ATP8B1: variants seen among roughly 807,000 people sequenced by gnomAD.
ATP8B1 encodes phospholipid-transporting ATPase IC.
In ATP8B1, 80 loss-of-function variants were observed where a neutral mutation model predicts 149.9. That is an observed-to-expected ratio of 0.53 (90% confidence interval 0.45 to 0.64). ATP8B1 has a LOEUF of 0.64. Among genes scored for constraint, ATP8B1 ranks in the 30% least tolerant of loss-of-function variants. The pLI is 0.00. For synonymous variants in ATP8B1, 536 were observed against 562.8 expected, an observed-to-expected ratio of 0.95 and a Z score of 0.67; for missense variants, 1,247 against 1,552.6, an observed-to-expected ratio of 0.80 and a Z score of 3.31.
At chr18:57,682,044 G>T (rs1194634746) in intron 15 of ATP8B1, among the ~76,000 whole-genome samples, 2 of 147,086 alleles carry the variant, frequency 1.4e-5, no homozygotes, top group Admixed American at 6.9e-5. Context: ...TTGCACTGTT[G>T]CCCAGGCTGT....
chr18:57,766,475 G>A (rs186221954), intron 1 of ATP8B1, among the ~76,000 whole-genome samples: 2 of 152,174 alleles, frequency 1.3e-5, no homozygotes, highest in African/African-American at 4.8e-5. Flanking sequence ...ATCTAGCCAG[G>A]CAGTGTGCTA....
intron 1 of ATP8B1, among the ~76,000 whole-genome samples, chr18:57,791,351 C>CTTTTTTTTTTTTTTTTTTTTTTTTTTTT (rs570282416): frequency 1.2e-5 from 1 of 82,398 alleles, no homozygotes; most frequent in East Asian, 2.2e-4. Flanking sequence ...CTTTTCTTTT[C>CTTTTTTTTTTTTTTTTTTTTTTTTTTTT]TTTTTTTTTT....
chr18:57,715,925 A>G (rs554743477), intron 2 of ATP8B1, among the ~76,000 whole-genome samples: 2 of 152,340 alleles, frequency 1.3e-5, no homozygotes, highest in South Asian at 4.1e-4. Context: ...AGTTAAGTAT[A>G]CAGAAAAACC....
chr18:57,725,282 A>G (rs1186013397), intron 2 of ATP8B1, among the ~76,000 whole-genome samples: 2 of 150,978 alleles, frequency 1.3e-5, no homozygotes, highest in African/African-American at 4.9e-5. Flanking sequence ...AATCCCATTT[A>G]TAATAGCTAT....
intron 22 of ATP8B1, among the ~76,000 whole-genome samples, chr18:57,659,180 G>A (rs886342010): frequency 2.0e-5 from 3 of 152,284 alleles, no homozygotes; most frequent in Admixed American, 2.0e-4. Context: ...GGAGGCTGAG[G>A]TGGGAGGATT....
rs2080047031 is a variant in ATP8B1 at position 57,753,823 on chromosome 18, G to A, written c.-25-21991C>T. 2.6e-5 allele frequency among the ~76,000 whole-genome samples: 4 copies of A among 151,472 alleles called. No individual in the cohort carries two copies. The South Asian group carries it at 8.4e-4, about 32-fold the overall frequency. Reference sequence around the variant, plus strand: ...CACTTCTGTAGTCCCAGCTACTTGGGAGGCTGAGGCAGGAGAATTGCTTGA... The same window carrying A: ...CACTTCTGTAGTCCCAGCTACTTGGAAGGCTGAGGCAGGAGAATTGCTTGA... On this transcript the variant is annotated intron_variant, in intron 1 of 27. Coordinates refer to ENST00000648908, the MANE Select transcript of ATP8B1 (RefSeq NM_001374385.1).
rs2080585652 is a variant in ATP8B1, at chr18:57,802,318, C to T, written c.-26+680G>A. 6.6e-6 allele frequency among the ~76,000 whole-genome samples: 1 copy of T among 152,182 alleles called. No homozygotes were observed. On this transcript the variant is annotated intron_variant, in intron 1 of 27. Transcript: ENST00000648908. This position sits in a 1 kb window ranked among gnomAD's most constrained non-coding sequence, Gnocchi z 4.9. Reference sequence around the variant, plus strand: ...GCTGAGGGAAGGAGATGCCTGCAGCCATCTCAGCGGGGCTGGCGGACGCGA... The same window carrying T: ...GCTGAGGGAAGGAGATGCCTGCAGCTATCTCAGCGGGGCTGGCGGACGCGA...
At chr18:57,731,412 A>C in intron 2 of ATP8B1, 2 of 491,708 alleles carry the variant, frequency 4.1e-6, no homozygotes. Flanking sequence ...TTTTCTCTGC[A>C]GAACTTGTCA....
At chr18:57,657,531 G>A (rs996496112) in intron 22 of ATP8B1, among the ~76,000 whole-genome samples, 3 of 152,100 alleles carry the variant, frequency 2.0e-5, no homozygotes, top group Admixed American at 6.6e-5. Context: ...CACAAGGTCT[G>A]GCAAATTCAA....
chr18:57,697,599 C>T lies in ATP8B1; in HGVS notation c.698+19G>A, dbSNP rs760562267. ...CTTCAAAGGCCAGCTTTAAATCAGG[C>T]CCATCGAGACACACTTACCCATCCA... On this transcript the variant is annotated intron_variant, in intron 8 of 27. Coordinates refer to ENST00000648908, the MANE Select transcript of ATP8B1 (RefSeq NM_001374385.1). 5.6e-6 allele frequency: 9 copies of T among 1,612,262 alleles called. No individual in the cohort carries two copies. In the African/African-American group the frequency reaches 1.1e-4, roughly 19 times the overall value.
chr18:57,778,162 C>T (rs563162110), intron 1 of ATP8B1, among the ~76,000 whole-genome samples: 11 of 151,766 alleles, frequency 7.2e-5, no homozygotes, highest in Non-Finnish European at 1.5e-4. Flanking sequence ...TGCTGCCTAA[C>T]AAAATACCCC....
intron 1 of ATP8B1, among the ~76,000 whole-genome samples, chr18:57,799,376 T>C (rs2080550182): frequency 6.6e-6 from 1 of 152,188 alleles, no homozygotes; most frequent in Non-Finnish European, 1.5e-5. Context: ...AAAGTACCAA[T>C]ATGGCCTTAA....
rs2123102232 is a variant in ATP8B1, at chr18:57,725,999, G to A, written c.181+5628C>T. 1.3e-5 allele frequency among the ~76,000 whole-genome samples: 2 copies of A among 152,316 alleles called. 1 individual carries two copies. The highest frequency in any genetic ancestry group is 4.1e-4 in the South Asian group (2 of 4,832). On this transcript the variant is annotated intron_variant, in intron 2 of 27. Transcript: ENST00000648908. ...AATTCCAGCACTTTGGGAAGCCAAG[G>A]TGGGTGGATCACAAGGTCAAGAGAT... is the stretch of plus-strand genomic sequence containing the variant.
At chr18:57,651,883 C>T in intron 26 of ATP8B1, 151 bp downstream of exon 26, 1 of 967,670 alleles carries the variant, frequency 1.0e-6, no homozygotes, top group Non-Finnish European at 1.6e-6. Flanking sequence ...ATCCACTTGC[C>T]TCGGCCTCCC....
In ATP8B1 at chr18:57,672,933, A is replaced by ATAT. The variant is rs36010935; in HGVS notation, c.1820-1354_1820-1353insATA. On this transcript the variant is annotated intron_variant, in intron 16 of 27. Transcript: ENST00000648908. ...ATATATATATATATATATATATATA[A>ATAT]CATGTATATACACATATATACATAC... is the stretch of plus-strand genomic sequence containing the variant. Among the ~76,000 whole-genome samples the ATAT allele has an allele frequency of 1.2e-3, 52 of 43,518 alleles. 3 individuals carry two copies. The highest frequency in any genetic ancestry group is 2.1e-3 in the Non-Finnish European group (43 of 20,278). 28.5% of individuals were successfully genotyped at this position (43,518 alleles called of 152,430 possible).
intron 13 of ATP8B1, 128 bp from the exon 14 acceptor site, chr18:57,685,243 TATC>T: frequency 2.8e-6 from 2 of 719,524 alleles, no homozygotes; most frequent in South Asian, 1.6e-5. Context: ...AAATATTTAT[TATC>T]TGGCACTTTA....
chr18:57,704,719 G>A, intron 3 of ATP8B1, 51 bp from the exon 4 acceptor site: 2 of 1,153,136 alleles, frequency 1.7e-6, no homozygotes, highest in Non-Finnish European at 2.6e-6. Context: ...TTATCACAAT[G>A]TATACACATC....
At chr18:57,694,187 G>C (rs1266393807) in intron 11 of ATP8B1, among the ~76,000 whole-genome samples, 2 of 152,066 alleles carry the variant, frequency 1.3e-5, no homozygotes, top group African/African-American at 4.8e-5. Flanking sequence ...TATATGTTGG[G>C]GGTGCTGGGG....
In ATP8B1 at chr18:57,650,384, G is replaced by A; in HGVS notation, c.3514C>T (p.Pro1172Ser). ...CTTTATACCTTATCACTTTCTGATG[G>A]CCAGATGGTCATTGACAGGAATCGA... ...AIRFLSMTIW[P>S]SESDKIQKHR... Residue 1172 changes from proline (P) to serine (S), a missense_variant, in exon 27 of 28, where the codon CCA (proline) becomes TCA (serine). This residue lies in a region of ATP8B1 where 164 missense variants were observed against 160.3 expected (regional missense o/e 1.02). Transcript: ENST00000648908. 1 of 1,613,632 alleles carries A rather than the reference G, an allele frequency of 6.2e-7. No homozygotes were observed.
Sources: allele counts gnomAD v4.1 joint callset (sites outside exome capture counted in the v4.1 genomes callset), GRCh38; gene constraint gnomAD v4.1.1; regional missense constraint gnomAD v4.1.1; non-coding constraint Gnocchi (gnomAD v3.1); transcripts MANE v1.5; gene names NCBI Gene and HGNC (gene_info 2026-07-23, HGNC 2026-07-21).